The following ATF7 variants were observed in gnomAD, a reference collection of about 807,000 sequenced individuals.
ATF7 encodes the protein cyclic AMP-dependent transcription factor ATF-7.
In ATF7, 10 loss-of-function variants were observed where a neutral mutation model predicts 50.4. That is an observed-to-expected ratio of 0.20 (90% CI 0.12 to 0.34). The LOEUF is 0.34. Among genes scored for constraint, ATF7 ranks in the 10% least tolerant of loss-of-function variants. The probability of loss-of-function intolerance (pLI) is 1.00; values close to 1 mark genes in which losing one functional copy is unlikely to be tolerated. For synonymous variants in ATF7, 201 were observed against 226.4 expected, an observed-to-expected ratio of 0.89 and a Z score of 1.01; for missense variants, 465 against 613.9, an observed-to-expected ratio of 0.76 and a Z score of 2.56.
chr12:53,567,153 T>A (rs1165124947), intron 2 of ATF7, among the ~76,000 whole-genome samples: 7 of 152,270 alleles, frequency 4.6e-5, no homozygotes, highest in Non-Finnish European at 1.5e-5. Flanking sequence ...TCATTTTCTA[T>A]CTAAGGAACT....
At chr12:53,578,367 CAAAAAA>C (rs56914905) in intron 2 of ATF7, among the ~76,000 whole-genome samples, 2 of 107,776 alleles carry the variant, frequency 1.9e-5, no homozygotes, top group Admixed American at 1.0e-4. Context: ...GATCTTCTCT[CAAAAAA>C]AAAAAAAAAA....
At chr12:53,576,175 G>C (rs1253257347) in intron 2 of ATF7, 1 of 152,240 alleles carries the variant, frequency 6.6e-6, no homozygotes, top group Non-Finnish European at 1.5e-5. Context: ...GAAGGCAGAA[G>C]GGATCCAGAG....
rs1939891533 is a variant in ATF7 at position 53,546,175 on chromosome 12, AGAAT to A, written c.146-2731_146-2728del. ...CCATTGCACTCTAGCCTGGGCAACA[AGAAT>A]GAAACTCCATCTCAAAAAAACAAAC... On this transcript the variant is annotated intron_variant, in intron 3 of 11. Transcript: ENST00000420353. Among the ~76,000 whole-genome samples the A allele has an allele frequency of 2.0e-5, 3 of 152,204 alleles. No homozygotes were observed. In the South Asian group the frequency reaches 6.2e-4, roughly 32 times the overall value.
intron 2 of ATF7, among the ~76,000 whole-genome samples, chr12:53,591,493 T>G (rs1942934559): frequency 6.6e-6 from 1 of 152,186 alleles, no homozygotes; most frequent in South Asian, 2.1e-4. Context: ...AAAGGGACAC[T>G]GAGTTTCTCA....
At chr12:53,601,397 G>A (rs1270567072) in intron 1 of ATF7, among the ~76,000 whole-genome samples, 1 of 152,140 alleles carries the variant, frequency 6.6e-6, no homozygotes, top group Non-Finnish European at 1.5e-5. Flanking sequence ...AACGAGAGAA[G>A]ACCAAAATTT....
At chr12:53,604,838 A>G (rs1943538180) in intron 1 of ATF7, among the ~76,000 whole-genome samples, 3 of 152,242 alleles carry the variant, frequency 2.0e-5, no homozygotes, top group Non-Finnish European at 2.9e-5. Context: ...GAAACCACTA[A>G]TAAGGAACTA....
intron 1 of ATF7, among the ~76,000 whole-genome samples, chr12:53,611,018 G>C (rs1237458825): frequency 6.6e-6 from 1 of 151,808 alleles, no homozygotes; most frequent in Admixed American, 6.6e-5. Context: ...AGAGACAGGG[G>C]GTCTTGCCAT....
intron 1 of ATF7, among the ~76,000 whole-genome samples, chr12:53,608,400 T>A (rs1000938930): frequency 6.6e-6 from 1 of 152,122 alleles, no homozygotes; most frequent in African/African-American, 2.4e-5. Context: ...TCTAAAGTTA[T>A]AAACCGTTTC....
At chr12:53,531,674 C>T in intron 9 of ATF7, 70 bp downstream of exon 9, 1 of 1,433,632 alleles carries the variant, frequency 7.0e-7, no homozygotes, top group Non-Finnish European at 9.2e-7. Context: ...TAATTTTCTG[C>T]TCCTTGAACA....
At chr12:53,564,888 T>A (rs1941359764) in intron 2 of ATF7, among the ~76,000 whole-genome samples, 1 of 152,128 alleles carries the variant, frequency 6.6e-6, no homozygotes, top group Non-Finnish European at 1.5e-5. Flanking sequence ...TTTGGCGATT[T>A]TTTTTTTGTT....
At chr12:53,543,072 T>G in intron 4 of ATF7, 1 of 1,336,166 alleles carries the variant, frequency 7.5e-7, no homozygotes, top group Non-Finnish European at 9.6e-7. Flanking sequence ...AAAAAACCGA[T>G]TATTAAACTA....
In ATF7 at chr12:53,574,451, A is replaced by G. The variant is rs967953589; in HGVS notation, c.49-21814T>C. Among the ~76,000 whole-genome samples the G allele has an allele frequency of 2.0e-5, 3 of 152,214 alleles. No individual in the cohort carries two copies. In the South Asian group the frequency reaches 6.2e-4, roughly 32 times the overall value. On this transcript the variant is annotated intron_variant, in intron 2 of 11. Coordinates refer to ENST00000420353, the MANE Select transcript of ATF7 (RefSeq NM_006856.3). ...TCCATGGTGAGCAGGACAATGTCCTAGGACCCCAGAGAGCCAGGAGAGAGC... is the reference window on the plus strand; with the variant it reads ...TCCATGGTGAGCAGGACAATGTCCTGGGACCCCAGAGAGCCAGGAGAGAGC...
intron 2 of ATF7, among the ~76,000 whole-genome samples, chr12:53,595,346 A>C (rs776215788): frequency 6.6e-6 from 1 of 152,196 alleles, no homozygotes; most frequent in Non-Finnish European, 1.5e-5. Flanking sequence ...AAGAATTAGT[A>C]ATCACCACCA....
intron 2 of ATF7, among the ~76,000 whole-genome samples, chr12:53,570,967 A>G (rs192120794): frequency 2.1e-4 from 32 of 152,314 alleles, no homozygotes; most frequent in Admixed American, 1.8e-3. Flanking sequence ...TCACAAAGAT[A>G]TATCAATGTT....
Position 53,545,587 on chromosome 12 carries a change from C to T in ATF7, c.146-2139G>A, listed in dbSNP as rs1195793737. On this transcript the variant is annotated intron_variant, in intron 3 of 11. Transcript: ENST00000420353. ...CCAACCTCAGGTGATCTGCTCTCCT[C>T]GGCCTCCCAAAGTGCTGGGATTATA... 3.9e-5 allele frequency among the ~76,000 whole-genome samples: 6 copies of T among 152,064 alleles called. 1 individual carries two copies. In the East Asian group the frequency reaches 5.8e-4, roughly 15 times the overall value.
At chr12:53,577,113 A>G (rs1942117004) in intron 2 of ATF7, among the ~76,000 whole-genome samples, 1 of 152,054 alleles carries the variant, frequency 6.6e-6, no homozygotes, top group East Asian at 1.9e-4. Flanking sequence ...GACTGGACAT[A>G]GCTGAGCAAA....
chr12:53,552,334 C>G (rs917797598), intron 3 of ATF7, among the ~76,000 whole-genome samples: 2 of 152,116 alleles, frequency 1.3e-5, no homozygotes, highest in East Asian at 3.9e-4. Flanking sequence ...TCAAAAACCA[C>G]AGAACACAAC....
At chr12:53,568,855 A>G (rs1227782155) in intron 2 of ATF7, among the ~76,000 whole-genome samples, 1 of 152,206 alleles carries the variant, frequency 6.6e-6, no homozygotes, top group African/African-American at 2.4e-5. Context: ...GCAGGCAGGC[A>G]GGTAGGGGCA....
At chr12:53,593,983 G>A (rs1406955215) in intron 2 of ATF7, among the ~76,000 whole-genome samples, 1 of 152,254 alleles carries the variant, frequency 6.6e-6, no homozygotes, top group Admixed American at 6.5e-5. Flanking sequence ...CAGAGAGAGG[G>A]AGTACGCTGG....
Sources: gnomAD v4.1 joint callset for allele counts (sites outside exome capture counted in the v4.1 genomes callset) on GRCh38, gnomAD v4.1.1 for gene constraint, MANE v1.5 for transcripts, NCBI Gene and HGNC (gene_info 2026-07-23, HGNC 2026-07-21) for gene names.